CNTNAP5: variants seen among roughly 807,000 people sequenced by gnomAD.
The protein encoded by CNTNAP5 is contactin associated protein family member 5, also known as contactin-associated protein-like 5.
CNTNAP5 carries 72 observed loss-of-function variants against 150.2 expected under a neutral mutation model. That is an observed-to-expected ratio of 0.48 (90% CI 0.40 to 0.58). The LOEUF (loss-of-function observed/expected upper bound fraction) is 0.58, where lower values mean the gene tolerates loss of function less well. Among genes scored for constraint, CNTNAP5 ranks in the 20% least tolerant of loss-of-function variants. The pLI is 0.00. For synonymous variants in CNTNAP5, 672 were observed against 619.8 expected, an observed-to-expected ratio of 1.08 and a Z score of -1.25; for missense variants, 1,636 against 1,626.2, an observed-to-expected ratio of 1.01 and a Z score of -0.10.
At chr2:124,208,290 T>C (rs1361511356) in intron 1 of CNTNAP5, among the ~76,000 whole-genome samples, 1 of 152,170 alleles carries the variant, frequency 6.6e-6, no homozygotes, top group Non-Finnish European at 1.5e-5. Flanking sequence ...AGTGTACAGT[T>C]TTAACAAATG....
intron 11 of CNTNAP5, among the ~76,000 whole-genome samples, chr2:124,585,166 AAG>A (rs1187404131): frequency 6.6e-6 from 1 of 152,162 alleles, no homozygotes; most frequent in East Asian, 1.9e-4. Context: ...CTGGTACATG[AAG>A]CTGTACAGGG....
intron 13 of CNTNAP5, among the ~76,000 whole-genome samples, chr2:124,679,061 C>T (rs1679005636): frequency 1.3e-5 from 2 of 152,024 alleles, no homozygotes; most frequent in South Asian, 4.1e-4. Flanking sequence ...ACTGTCAGCT[C>T]CACCCATATC....
chr2:124,774,962 G>A lies in CNTNAP5; in HGVS notation c.2752+1945G>A, dbSNP rs190281308. 2.3e-3 allele frequency among the ~76,000 whole-genome samples: 349 copies of A among 152,262 alleles called. 2 individuals carry two copies. Among genetic ancestry groups the A allele is most frequent in the South Asian group, 6.4e-3 (31 of 4,816 alleles). ...ATGCAATGAGCTGTAAGAGCATGTC[G>A]ATGGGTCTGGAGGAGATATCTTGCT... On this transcript the variant is annotated intron_variant, in intron 17 of 23. Coordinates refer to ENST00000682447, the MANE Select transcript of CNTNAP5 (RefSeq NM_001367498.1).
chr2:124,050,207 A>C (rs1681655755), intron 1 of CNTNAP5, among the ~76,000 whole-genome samples: 1 of 152,196 alleles, frequency 6.6e-6, no homozygotes, highest in Non-Finnish European at 1.5e-5. Flanking sequence ...TTATGCCTGT[A>C]ATCCCAGTAA....
chr2:124,293,662 A>G (rs1366256306), intron 3 of CNTNAP5, among the ~76,000 whole-genome samples: 1 of 152,166 alleles, frequency 6.6e-6, no homozygotes, highest in African/African-American at 2.4e-5. Context: ...TCTATGCATT[A>G]TGCATACTTC....
At chr2:124,115,734 G>A (rs1027457873) in intron 1 of CNTNAP5, among the ~76,000 whole-genome samples, 1 of 135,738 alleles carries the variant, frequency 7.4e-6, no homozygotes, top group Admixed American at 8.4e-5. Context: ...CTTCAGCCTT[G>A]ATGCCTCAGC....
At chr2:124,851,907 A>T (rs1431619730) in intron 19 of CNTNAP5, among the ~76,000 whole-genome samples, 1 of 152,190 alleles carries the variant, frequency 6.6e-6, no homozygotes, top group African/African-American at 2.4e-5. Context: ...CATTGTTCGG[A>T]CAAACAAATA....
intron 1 of CNTNAP5, among the ~76,000 whole-genome samples, chr2:124,046,176 C>A (rs1681529476): frequency 6.6e-6 from 1 of 152,040 alleles, no homozygotes. Flanking sequence ...TGAGTGTGAG[C>A]TCTGGGGTGC....
intron 6 of CNTNAP5, among the ~76,000 whole-genome samples, chr2:124,451,462 A>C (rs1163391450): frequency 1.3e-5 from 2 of 151,996 alleles, no homozygotes; most frequent in Non-Finnish European, 2.9e-5. Context: ...ACTGTTCACC[A>C]AAAAAATCTA....
chr2:124,787,587 T>C (rs1260782131), intron 17 of CNTNAP5, among the ~76,000 whole-genome samples: 1 of 152,222 alleles, frequency 6.6e-6, no homozygotes, highest in Non-Finnish European at 1.5e-5. Flanking sequence ...TTTATGAGTC[T>C]GCTGACCTGG....
intron 11 of CNTNAP5, among the ~76,000 whole-genome samples, chr2:124,586,356 G>A (rs1396609428): frequency 6.6e-6 from 1 of 152,170 alleles, no homozygotes; most frequent in African/African-American, 2.4e-5. Flanking sequence ...CATGAGTCAG[G>A]GTCGCTGAGC....
intron 1 of CNTNAP5, among the ~76,000 whole-genome samples, chr2:124,081,356 T>C (rs1359408360): frequency 1.3e-5 from 2 of 152,224 alleles, no homozygotes; most frequent in East Asian, 3.9e-4. Flanking sequence ...TGAACATTTT[T>C]CTTCCTCAGG....
intron 7 of CNTNAP5, among the ~76,000 whole-genome samples, chr2:124,499,550 T>G (rs1248046179): frequency 1.3e-5 from 2 of 152,186 alleles, no homozygotes; most frequent in Non-Finnish European, 2.9e-5. Context: ...GTGTGTCTCT[T>G]CACTCTAGTG....
chr2:124,237,468 CT>C (rs1686778767), intron 2 of CNTNAP5, among the ~76,000 whole-genome samples: 1 of 152,116 alleles, frequency 6.6e-6, no homozygotes, highest in South Asian at 2.1e-4. Context: ...CAATAAGTGT[CT>C]TGGTATATAG....
At chr2:124,087,980 G>T (rs1167600980) in intron 1 of CNTNAP5, among the ~76,000 whole-genome samples, 1 of 152,082 alleles carries the variant, frequency 6.6e-6, no homozygotes, top group Non-Finnish European at 1.5e-5. Flanking sequence ...GAATCTGCAG[G>T]TTTATGTCTT....
chr2:124,794,884 G>A lies in CNTNAP5; in HGVS notation c.2993-3212G>A, dbSNP rs560449136. On this transcript the variant is annotated intron_variant, in intron 18 of 23. Transcript: ENST00000682447. ...AAAGATAAGCACTCATGATAAACAC[G>A]TAGCCACAGGATCATTATTATAATA... Among the ~76,000 whole-genome samples the A allele has an allele frequency of 3.3e-4, 50 of 152,100 alleles. No homozygotes were observed. In the South Asian group the frequency reaches 8.3e-3, roughly 25 times the overall value.
chr2:124,407,553 G>A (rs1691606054), intron 3 of CNTNAP5, among the ~76,000 whole-genome samples: 2 of 152,136 alleles, frequency 1.3e-5, no homozygotes, highest in South Asian at 4.2e-4. Flanking sequence ...TGAGGTTCAG[G>A]TACTTCAATA....
At chr2:124,520,787 C>T (rs1423486331) in intron 8 of CNTNAP5, among the ~76,000 whole-genome samples, 1 of 152,088 alleles carries the variant, frequency 6.6e-6, no homozygotes, top group African/African-American at 2.4e-5. Flanking sequence ...CCTCATTGGA[C>T]ACGTCTATTC....
intron 13 of CNTNAP5, among the ~76,000 whole-genome samples, chr2:124,706,945 G>GAA (rs1679675267): frequency 9.0e-6 from 1 of 111,272 alleles, no homozygotes; most frequent in Non-Finnish European, 2.0e-5. Context: ...AGAAGAAGGA[G>GAA]GAGGAGGAGG....
Sources: gnomAD v4.1 joint callset for allele counts (sites outside exome capture counted in the v4.1 genomes callset) on GRCh38, gnomAD v4.1.1 for gene constraint, MANE v1.5 for transcripts, NCBI Gene and HGNC (gene_info 2026-07-23, HGNC 2026-07-21) for gene names.